Variants in PPP1R3A observed in about 807,000 individuals in gnomAD.
PPP1R3A encodes RG1.
Under a neutral mutation model 41.7 loss-of-function variants are expected in PPP1R3A, and 29 were observed. That is an observed-to-expected ratio of 0.70 (90% CI 0.52 to 0.95). The LOEUF is 0.95. PPP1R3A is among the 40% of genes least tolerant of loss of function. The probability of loss-of-function intolerance (pLI) is 0.00; values close to 1 mark genes in which losing one functional copy is unlikely to be tolerated. For missense variants in PPP1R3A, 1,352 were observed against 1,292.4 expected (o/e 1.05, Z -0.71); for synonymous variants, 485 against 453.4 (o/e 1.07, Z -0.89).
At position 113,918,501 on chromosome 7, in the gene PPP1R3A, A is replaced by G; in HGVS notation, c.496T>C (p.Trp166Arg). The change falls in exon 1 of 4, where the codon TGG (tryptophan) becomes CGG (arginine). Residue 166 changes from tryptophan (W) to arginine (R), a missense_variant. Trp to Arg is a moderately radical substitution (Grantham distance 101). Transcript: ENST00000284601. ...GCTAAAATGTCATAATGTGTCTGCC[A>G]GTCATCTAAAGACATTCTTACATAT... ...LVYVRMSLDDWQTHYDILAEY... is the reference protein window; with the variant it reads ...LVYVRMSLDDRQTHYDILAEY... 6.2e-7 allele frequency: 1 copy of G among 1,613,140 alleles called. No homozygotes were observed. Among genetic ancestry groups the G allele is most frequent in the Non-Finnish European group, 8.5e-7 (1 of 1,179,600 alleles).
chr7:113,911,929 T>C (rs978770158), intron 1 of PPP1R3A, among the ~76,000 whole-genome samples: 7 of 152,106 alleles, frequency 4.6e-5, no homozygotes, highest in African/African-American at 1.7e-4. Context: ...GCAACTGGAA[T>C]AGATGCTTGT....
At chr7:113,886,452 T>TTGTGAGGCCTCACCAGCCATGTGGAAC (rs1796786491) in intron 1 of PPP1R3A, among the ~76,000 whole-genome samples, 1 of 152,152 alleles carries the variant, frequency 6.6e-6, no homozygotes, top group African/African-American at 2.4e-5. Context: ...TCTGCCATGA[T>TTGTGAGGCCTCACCAGCCATGTGGAAC]TGTGAGGCCT....
intron 1 of PPP1R3A, among the ~76,000 whole-genome samples, chr7:113,902,258 T>C (rs1797075046): frequency 6.6e-6 from 1 of 151,736 alleles, no homozygotes; most frequent in Non-Finnish European, 1.5e-5. Context: ...CTCCCAAGTA[T>C]ATGGGACTAT....
At chr7:113,902,128 T>C (rs985224849) in intron 1 of PPP1R3A, among the ~76,000 whole-genome samples, 1 of 151,716 alleles carries the variant, frequency 6.6e-6, no homozygotes, top group African/African-American at 2.4e-5. Flanking sequence ...TCTTCTCTCT[T>C]TGTGTGTGTG....
intron 1 of PPP1R3A, among the ~76,000 whole-genome samples, chr7:113,899,878 C>T (rs1386530924): frequency 1.3e-5 from 2 of 151,616 alleles, no homozygotes; most frequent in East Asian, 3.9e-4. Context: ...GAAATTAAGA[C>T]CTTTAGTAAA....
At chr7:113,916,123 G>A (rs1797338294) in intron 1 of PPP1R3A, among the ~76,000 whole-genome samples, 1 of 152,006 alleles carries the variant, frequency 6.6e-6, no homozygotes, top group African/African-American at 2.4e-5. Context: ...AGAGGCAAAT[G>A]CTTTTTTCAA....
intron 1 of PPP1R3A, among the ~76,000 whole-genome samples, chr7:113,894,205 G>C (rs137938129): frequency 6.6e-6 from 1 of 152,026 alleles, no homozygotes; most frequent in African/African-American, 2.4e-5. Flanking sequence ...AAACATTTAG[G>C]TTGCTTTGGA....
Position 113,919,001 on chromosome 7 carries a change from C to T in PPP1R3A, c.-5G>A, listed in dbSNP as rs949881418. On this transcript the variant is annotated 5_prime_UTR_variant, in exon 1 of 4. Coordinates refer to ENST00000284601, the MANE Select transcript of PPP1R3A (RefSeq NM_002711.4). ...AGGTACTTCAGAAGGCTCCATTGGG[C>T]TCTCTGATATCAAATAAGAGAGAAC... is the stretch of plus-strand genomic sequence containing the variant. 3 of 1,608,884 alleles carry T rather than the reference C, an allele frequency of 1.9e-6. No individual in the cohort carries two copies. The highest frequency in any genetic ancestry group is 2.7e-5 in the African/African-American group (2 of 74,796).
At chr7:113,901,180 C>T (rs544941424) in intron 1 of PPP1R3A, among the ~76,000 whole-genome samples, 1 of 151,768 alleles carries the variant, frequency 6.6e-6, no homozygotes, top group Non-Finnish European at 1.5e-5. Flanking sequence ...CTGCACTCTC[C>T]CTCACTGTGG....
At chr7:113,893,772 A>C (rs1435664913) in intron 1 of PPP1R3A, among the ~76,000 whole-genome samples, 3 of 151,988 alleles carry the variant, frequency 2.0e-5, no homozygotes, top group Non-Finnish European at 2.9e-5. Flanking sequence ...TCTCTATTTC[A>C]ATATCTAAGT....
intron 3 of PPP1R3A, among the ~76,000 whole-genome samples, chr7:113,881,755 T>A (rs1406953971): frequency 1.3e-5 from 2 of 151,990 alleles, no homozygotes; most frequent in Non-Finnish European, 2.9e-5. Context: ...GAAATGCACA[T>A]CAGGATAGTG....
intron 1 of PPP1R3A, among the ~76,000 whole-genome samples, chr7:113,910,982 C>T (rs1327026685): frequency 6.6e-6 from 1 of 152,082 alleles, no homozygotes; most frequent in Non-Finnish European, 1.5e-5. Context: ...CATGACTACA[C>T]ATAAGACAAC....
rs1370240129 is a variant in PPP1R3A at position 113,879,892 on chromosome 7, A to G, written c.1200T>C (p.Cys400=). The change falls in exon 4 of 4, where the codon TGT becomes TGC. Residue 400 remains cysteine, a synonymous_variant. Coordinates refer to ENST00000284601, the MANE Select transcript of PPP1R3A (RefSeq NM_002711.4). The part of the protein sequence containing the change: ...CNEKYSSGDD[C]THQPSEETTS... ...TAGTTTCCTCTGAAGGTTGATGTGT[A>G]CAGTCATCTCCTGAGGAATATTTTT... 6.2e-7 allele frequency: 1 copy of G among 1,613,432 alleles called. No homozygotes were observed. Among genetic ancestry groups the G allele is most frequent in the Admixed American group, 1.7e-5 (1 of 59,924 alleles).
At chr7:113,901,489 C>A (rs1797061238) in intron 1 of PPP1R3A, among the ~76,000 whole-genome samples, 1 of 151,636 alleles carries the variant, frequency 6.6e-6, no homozygotes, top group South Asian at 2.1e-4. Context: ...TAGGTAAAAA[C>A]CTGGAAGTTT....
intron 1 of PPP1R3A, among the ~76,000 whole-genome samples, chr7:113,887,796 C>T (rs569621894): frequency 4.5e-4 from 68 of 152,016 alleles, no homozygotes; most frequent in Admixed American, 1.0e-3. Context: ...TTTGGGAGGC[C>T]GAGGAGGGTG....
At chr7:113,894,164 T>C (rs1584412972) in intron 1 of PPP1R3A, among the ~76,000 whole-genome samples, 1 of 151,974 alleles carries the variant, frequency 6.6e-6, no homozygotes, top group Non-Finnish European at 1.5e-5. Flanking sequence ...CATAACTAAG[T>C]AGAATCTGGG....
At chr7:113,893,809 T>C (rs1019801593) in intron 1 of PPP1R3A, among the ~76,000 whole-genome samples, 1 of 152,068 alleles carries the variant, frequency 6.6e-6, no homozygotes, top group Non-Finnish European at 1.5e-5. Flanking sequence ...ACCTCGGAGC[T>C]TGATCTTACT....
intron 1 of PPP1R3A, among the ~76,000 whole-genome samples, chr7:113,892,893 G>A (rs779936715): frequency 1.3e-5 from 2 of 151,970 alleles, no homozygotes; most frequent in African/African-American, 2.4e-5. Flanking sequence ...AAGGCACATC[G>A]TTTTGTTTTG....
In PPP1R3A at chr7:113,879,166, A is replaced by G; in HGVS notation, c.1926T>C (p.Asn642=). ...GTGGGCTATTATCCTGATCTTCAGA[A>G]TTAATCCCACCTGATTTTTCTTCAA... The part of the protein sequence containing the change: ...FQVEEKSGGI[N]SEDQDNSPQH... The change falls in exon 4 of 4, where the codon AAT becomes AAC. Residue 642 remains asparagine, a synonymous_variant. Transcript: ENST00000284601. 6.2e-7 allele frequency: 1 copy of G among 1,613,676 alleles called. No homozygotes were observed.
Sources: allele counts gnomAD v4.1 joint callset (sites outside exome capture counted in the v4.1 genomes callset), GRCh38; gene constraint gnomAD v4.1.1; transcripts MANE v1.5; gene names NCBI Gene and HGNC (gene_info 2026-07-23, HGNC 2026-07-21).